The following DNAJA2 variants were observed in gnomAD, a reference collection of about 807,000 sequenced individuals.
The protein encoded by DNAJA2 is DnaJ heat shock protein family (Hsp40) member A2.
In DNAJA2, 6 loss-of-function variants were observed where a neutral mutation model predicts 49.3. That is an observed-to-expected ratio of 0.12 (90% CI 0.07 to 0.24). DNAJA2 has a LOEUF of 0.24. Ranked by LOEUF, DNAJA2 falls within the 10% of genes least tolerant of loss-of-function variation. DNAJA2 has a pLI of 1.00. For synonymous variants in DNAJA2, 160 were observed against 172.7 expected (o/e 0.93, Z 0.58); for missense variants, 347 against 516.8 (o/e 0.67, Z 3.19).
chr16:46,960,570 G>C (rs985903598), intron 6 of DNAJA2, among the ~76,000 whole-genome samples: 1 of 152,016 alleles, frequency 6.6e-6, no homozygotes, highest in Non-Finnish European at 1.5e-5. Flanking sequence ...CACAAGGTCA[G>C]GAGTTCAAGA....
chr16:46,969,323 ACT>A, intron 3 of DNAJA2, among the ~76,000 whole-genome samples: 1 of 152,382 alleles, frequency 6.6e-6, no homozygotes, highest in South Asian at 2.1e-4. Context: ...TACCAACAAC[ACT>A]GTCAAATAAT....
Position 46,956,957 on chromosome 16 carries a change from C to T in DNAJA2, c.*72G>A. 3.2e-6 allele frequency: 5 copies of T among 1,551,056 alleles called. No homozygotes were observed. The highest frequency in any genetic ancestry group is 4.5e-6 in the Non-Finnish European group (5 of 1,123,356). Reference sequence around the variant, plus strand: ...AGTTCATCTGGATTGATAAGACACTCCAGCTGGATTGCTGAGAACAAATCA... The same window carrying T: ...AGTTCATCTGGATTGATAAGACACTTCAGCTGGATTGCTGAGAACAAATCA... On this transcript the variant is annotated 3_prime_UTR_variant, in exon 9 of 9. Coordinates refer to ENST00000317089, the MANE Select transcript of DNAJA2 (RefSeq NM_005880.4).
intron 8 of DNAJA2, chr16:46,958,785 T>A (rs573607167): frequency 9.2e-5 from 40 of 434,294 alleles, no homozygotes; most frequent in African/African-American, 3.2e-4. Flanking sequence ...TCTCAAAAAA[T>A]TTTTTTTAAA....
chr16:46,958,859 G>A (rs779290219), intron 8 of DNAJA2, 144 bp downstream of exon 8: 18 of 811,352 alleles, frequency 2.2e-5, no homozygotes, highest in African/African-American at 1.0e-4. Context: ...TGAGAGGATC[G>A]CTTCAGCCCA....
At chr16:46,959,211 A>G (rs1334621020) in intron 7 of DNAJA2, 64 bp downstream of exon 7, 28 of 1,582,012 alleles carry the variant, frequency 1.8e-5, no homozygotes, top group Non-Finnish European at 2.3e-5. Context: ...GTATAAAAAA[A>G]TTACAAATTG....
Position 46,971,389 on chromosome 16 carries a change from T to G in DNAJA2, c.322A>C (p.Asn108His). ...GFMGNQSRSRNGRRRGEDMMH... is the reference protein window; with the variant it reads ...GFMGNQSRSRHGRRRGEDMMH... ...ATGTCCTCTCCTCTTCTTCTGCCAT[T>G]TCGACTTCTACTCTGATTGCCCATG... The change falls in exon 3 of 9, where the codon AAT (asparagine) becomes CAT (histidine). Residue 108 changes from asparagine (N) to histidine (H), a missense_variant. By Grantham distance (68) the Asn-to-His change is moderately conservative. Transcript: ENST00000317089. 6.2e-7 allele frequency: 1 copy of G among 1,613,974 alleles called. No individual in the cohort carries two copies.
intron 8 of DNAJA2, 80 bp downstream of exon 8, chr16:46,958,923 G>A: frequency 6.7e-7 from 1 of 1,483,602 alleles, no homozygotes; most frequent in South Asian, 1.4e-5. Flanking sequence ...CAGCCTGGGT[G>A]ACAGAGACCC....
rs1233256862 is a variant in DNAJA2, at chr16:46,959,300, G to A, written c.894C>T (p.Tyr298=). The change falls in exon 7 of 9, where the codon TAC becomes TAT. Residue 298 remains tyrosine, a synonymous_variant. Transcript: ENST00000317089. The part of the protein sequence containing the change: ...HLDGRQIVVK[Y]PPGKVIEPGC... ...CTGGTTCAATTACTTTGCCAGGGGG[G>A]TATTTCACCACAATCTGACGTCCAT... The A allele has an allele frequency of 8.7e-6, 14 of 1,613,800 alleles. No homozygotes were observed. The East Asian group carries it at 3.1e-4, about 36-fold the overall frequency.
intron 6 of DNAJA2, among the ~76,000 whole-genome samples, chr16:46,960,065 C>G (rs767365884): frequency 6.6e-6 from 1 of 152,248 alleles, no homozygotes; most frequent in African/African-American, 2.4e-5. Flanking sequence ...CAACTTCACA[C>G]GCCCAACCTG....
At chr16:46,964,953 C>T (rs1379465245) in intron 5 of DNAJA2, 146 bp from the exon 6 acceptor site, 1 of 666,826 alleles carries the variant, frequency 1.5e-6, no homozygotes, top group South Asian at 2.3e-5. Context: ...AGCACAGTGG[C>T]TCAAGCCTGC....
chr16:46,971,297 C>T lies in DNAJA2; in HGVS notation c.362+52G>A, dbSNP rs574291739. ...ATTTTTCATCTACTGAGTCATTATC[C>T]CACTTGACAAAAAGTACTTAATTTT... On this transcript the variant is annotated intron_variant, in intron 3 of 8. Transcript: ENST00000317089. 2.3e-4 allele frequency: 344 copies of T among 1,513,800 alleles called. 2 individuals carry two copies. In the South Asian group the frequency reaches 2.5e-3, roughly 11 times the overall value. The allele number at this position is 1,513,800 out of a possible 1,614,324, so 93.8% of individuals were successfully genotyped here.
rs1056468870 is a variant in DNAJA2 at position 46,970,799 on chromosome 16, G to A, written c.362+550C>T. On this transcript the variant is annotated intron_variant, in intron 3 of 8. Coordinates refer to ENST00000317089, the MANE Select transcript of DNAJA2 (RefSeq NM_005880.4). ...CACGCCTGTAATCCCAGCACTTTGG[G>A]AGGCCGAGGCAGGCAGATCACCTGA... Among the ~76,000 whole-genome samples, 4 of 142,132 alleles carry A rather than the reference G, an allele frequency of 2.8e-5. No homozygotes were observed. In the Admixed American group the frequency reaches 3.0e-4, roughly 11 times the overall value. The allele number at this position is 142,132 out of a possible 152,430, so 93.2% of individuals were successfully genotyped here.
intron 3 of DNAJA2, among the ~76,000 whole-genome samples, chr16:46,969,581 C>T (rs1962017761): frequency 6.6e-6 from 1 of 152,142 alleles, no homozygotes; most frequent in South Asian, 2.1e-4. Flanking sequence ...TGGCACAATC[C>T]CTCTGCAAGG....
In DNAJA2 at chr16:46,955,733, C is replaced by T. The variant is rs959525335; in HGVS notation, c.*1296G>A. ...AAATGTAAAATTGTGCATCTGATGT[C>T]TCTTTCCTCAAATAAGTGTGTTCTA... On this transcript the variant is annotated 3_prime_UTR_variant, in exon 9 of 9. Coordinates refer to ENST00000317089, the MANE Select transcript of DNAJA2 (RefSeq NM_005880.4). 4 of 152,130 alleles carry T rather than the reference C, an allele frequency of 2.6e-5. No homozygotes were observed. Among genetic ancestry groups the T allele is most frequent in the Non-Finnish European group, 4.4e-5 (3 of 68,012 alleles). The allele number at this position is 152,130 out of a possible 1,614,324, so 9.4% of individuals were successfully genotyped here.
At chr16:46,961,336 C>T (rs559159711) in intron 6 of DNAJA2, among the ~76,000 whole-genome samples, 2 of 146,324 alleles carry the variant, frequency 1.4e-5, no homozygotes, top group Admixed American at 6.8e-5. Context: ...ACAGAGATCG[C>T]GCCACTGCAC....
chr16:46,971,253 G>A, intron 3 of DNAJA2, 96 bp downstream of exon 3: 1 of 1,045,814 alleles, frequency 9.6e-7, no homozygotes, highest in Non-Finnish European at 1.4e-6. Context: ...TTCTAATGAA[G>A]GACAGAACAC....
Position 46,971,924 on chromosome 16 carries a change from GGAT to G in DNAJA2, c.107_109del (p.His36del). ...GTCTCCTGCATTTGGATTCTTATCAGGATGATATTCCTTGGCTAACTTTCTGTA... is the reference window on the plus strand; with the variant it reads ...GTCTCCTGCATTTGGATTCTTATCAGGATATTCCTTGGCTAACTTTCTGTA... On this transcript the variant is annotated inframe_deletion, in exon 2 of 9. Transcript: ENST00000317089. 6.2e-7 allele frequency: 1 copy of G among 1,612,894 alleles called. No individual in the cohort carries two copies. Among genetic ancestry groups the G allele is most frequent in the Non-Finnish European group, 8.5e-7 (1 of 1,179,174 alleles).
rs1961821278 is a variant in DNAJA2 at position 46,956,783 on chromosome 16, G to A, written c.*246C>T. ...TTGAAACTTATAATAATCCATGTGT[G>A]AAAGGGAGTCTTGTTTCCTTTCAAG... On this transcript the variant is annotated 3_prime_UTR_variant, in exon 9 of 9. Transcript: ENST00000317089. 1 of 403,320 alleles carries A rather than the reference G, an allele frequency of 2.5e-6. No homozygotes were observed. The highest frequency in any genetic ancestry group is 4.4e-6 in the Non-Finnish European group (1 of 225,486). The allele number at this position is 403,320 out of a possible 1,614,324, so 25.0% of individuals were successfully genotyped here.
At chr16:46,967,403 TTAA>T (rs771003906) in intron 5 of DNAJA2, 107 bp downstream of exon 5, 7 of 1,381,842 alleles carry the variant, frequency 5.1e-6, no homozygotes, top group East Asian at 2.5e-5. Flanking sequence ...TCCTTTTTCT[TTAA>T]TAAGATGTAT....
Sources: gnomAD v4.1 joint callset for allele counts (sites outside exome capture counted in the v4.1 genomes callset) on GRCh38, gnomAD v4.1.1 for gene constraint, MANE v1.5 for transcripts, NCBI Gene and HGNC (gene_info 2026-07-23, HGNC 2026-07-21) for gene names.